The following MAN1A1 variants were observed in gnomAD, a reference collection of about 807,000 sequenced individuals.
MAN1A1 encodes the protein mannosidase alpha class 1A member 1, also known as mannosyl-oligosaccharide 1,2-alpha-mannosidase IA.
In MAN1A1, 29 loss-of-function variants were observed where a neutral mutation model predicts 70.8. The observed-to-expected ratio is 0.41, with a 90% CI of 0.31 to 0.56. The LOEUF (loss-of-function observed/expected upper bound fraction) is 0.56. MAN1A1 is among the 20% of genes least tolerant of loss of function. The probability of loss-of-function intolerance (pLI) is 0.29; values close to 1 mark genes in which losing one functional copy is unlikely to be tolerated. For synonymous variants in MAN1A1, 349 were observed against 330.1 expected (o/e 1.06, Z -0.62); for missense variants, 747 against 841.3 (o/e 0.89, Z 1.39).
At chr6:119,282,251 T>C (rs1459241527) in intron 5 of MAN1A1, among the ~76,000 whole-genome samples, 1 of 152,010 alleles carries the variant, frequency 6.6e-6, no homozygotes, top group Admixed American at 6.5e-5. Context: ...TGCTCATGAA[T>C]TGTGGAGATA....
chr6:119,247,505 T>C (rs965322741), intron 6 of MAN1A1, among the ~76,000 whole-genome samples: 1 of 152,148 alleles, frequency 6.6e-6, no homozygotes, highest in Non-Finnish European at 1.5e-5. Context: ...GTACAGGCAA[T>C]TAATAACTTA....
rs948809429 is a variant in MAN1A1 at position 119,349,154 on chromosome 6, T to C, written c.-89A>G. ...AGTCCGCGGCTGCGGGGCTGGGTCC[T>C]GCGTAGCCAGGCCGCCCGACCCCCT... On this transcript the variant is annotated 5_prime_UTR_variant, in exon 2 of 13. Coordinates refer to ENST00000368468, the MANE Select transcript of MAN1A1 (RefSeq NM_005907.4). 2.4e-6 allele frequency: 3 copies of C among 1,234,954 alleles called. No individual in the cohort carries two copies. The highest frequency in any genetic ancestry group is 8.6e-5 in the Admixed American group (2 of 23,198). 76.5% of individuals were successfully genotyped at this position (1,234,954 alleles called of 1,614,324 possible).
Position 119,290,759 on chromosome 6 carries a change from G to T in MAN1A1, c.821C>A (p.Ala274Asp), listed in dbSNP as rs1776515095. The change falls in exon 5 of 13, where the codon GCT becomes GAT. Residue 274 changes from alanine (A) to aspartate (D), a missense_variant. Coordinates refer to ENST00000368468, the MANE Select transcript of MAN1A1 (RefSeq NM_005907.4). ...VEENLDFNVN[A>D]EISVFEVNIR... ...ATTTACTTCAAAGACAGAAATTTCA[G>T]CATTCTATGGAAAAAAAAAATTCAA... is the stretch of plus-strand genomic sequence containing the variant. The T allele has an allele frequency of 6.2e-7, 1 of 1,604,780 alleles. No individual in the cohort carries two copies. Among genetic ancestry groups the T allele is most frequent in the Admixed American group, 1.7e-5 (1 of 59,504 alleles).
chr6:119,245,586 G>C (rs926190737), intron 6 of MAN1A1, among the ~76,000 whole-genome samples: 1 of 152,126 alleles, frequency 6.6e-6, no homozygotes, highest in South Asian at 2.1e-4. Context: ...CAAAGGAACA[G>C]GGGGAATTTT....
chr6:119,239,444 C>G (rs913634482), intron 6 of MAN1A1, among the ~76,000 whole-genome samples: 3 of 152,130 alleles, frequency 2.0e-5, no homozygotes, highest in Admixed American at 2.0e-4. Flanking sequence ...TATTACTGCA[C>G]AAGCAGGAAA....
intron 8 of MAN1A1, among the ~76,000 whole-genome samples, chr6:119,199,799 C>T (rs539845350): frequency 6.6e-6 from 1 of 151,858 alleles, no homozygotes; most frequent in Admixed American, 6.6e-5. Context: ...GTAGTCCCAG[C>T]TACTCGGGGC....
At chr6:119,206,624 G>C (rs1199316106) in intron 6 of MAN1A1, among the ~76,000 whole-genome samples, 1 of 152,134 alleles carries the variant, frequency 6.6e-6, no homozygotes, top group African/African-American at 2.4e-5. Flanking sequence ...ATGTGAGTCA[G>C]GTTTTATTTT....
chr6:119,223,581 C>A (rs1482785775), intron 6 of MAN1A1, among the ~76,000 whole-genome samples: 1 of 151,868 alleles, frequency 6.6e-6, no homozygotes, highest in East Asian at 1.9e-4. Context: ...AACTTATATT[C>A]CCAAGTAAAA....
chr6:119,348,744 C>T lies in MAN1A1; in HGVS notation c.322G>A (p.Gly108Arg), dbSNP rs766764522. ...AEGRARRREEGAPGDPEAALE... is the reference protein window; with the variant it reads ...AEGRARRREERAPGDPEAALE... ...GCGGCCTCCGGGTCCCCGGGTGCCC[C>T]CTCCTCGCGGCGCCGGGCTCGCCCC... The change falls in exon 2 of 13, where the codon GGG becomes AGG. Residue 108 changes from glycine to arginine, a missense_variant. This residue lies in a region of MAN1A1 where 328 missense variants were observed against 293.1 expected (regional missense o/e 1.12). Transcript: ENST00000368468. 6.4e-7 allele frequency: 1 copy of T among 1,565,468 alleles called. No homozygotes were observed. Among genetic ancestry groups the T allele is most frequent in the Admixed American group, 1.9e-5 (1 of 53,708 alleles).
In MAN1A1 at chr6:119,302,114, C is replaced by A; in HGVS notation, c.701-11G>T. On this transcript the variant is annotated splice_polypyrimidine_tract_variant and intron_variant, in intron 3 of 12. Coordinates refer to ENST00000368468, the MANE Select transcript of MAN1A1 (RefSeq NM_005907.4). The stretch of plus-strand genomic sequence containing the variant: ...CTCCTTTGATGTTACCTGAAAAGAT[C>A]AGAAAAATATTTGATAAAATACTTT... 2.3e-6 allele frequency: 3 copies of A among 1,304,444 alleles called. No homozygotes were observed. Among genetic ancestry groups the A allele is most frequent in the Non-Finnish European group, 2.2e-6 (2 of 911,234 alleles). 80.8% of individuals were successfully genotyped at this position (1,304,444 alleles called of 1,614,324 possible). A position where few individuals can be genotyped will look rare whatever the true frequency, so the allele number is the denominator to read the frequency against.
intron 6 of MAN1A1, among the ~76,000 whole-genome samples, chr6:119,223,065 A>G (rs2114261050): frequency 6.6e-6 from 1 of 152,318 alleles, no homozygotes; most frequent in African/African-American, 2.4e-5. Context: ...GGAAGGGAAG[A>G]AATAAGAAAC....
rs1439306083 is a variant in MAN1A1, at chr6:119,341,661, G to C, written c.603+6802C>G. ...TGCTAACTTTGACTACTAAGTGATG[G>C]ACTGAGCTCTGATTATAGAATTTAT... On this transcript the variant is annotated intron_variant, in intron 2 of 12. Transcript: ENST00000368468. 1.3e-5 allele frequency among the ~76,000 whole-genome samples: 2 copies of C among 152,144 alleles called. 1 individual carries two copies. Among genetic ancestry groups the C allele is most frequent in the Non-Finnish European group, 2.9e-5 (2 of 68,030 alleles).
chr6:119,234,027 T>C (rs1411931786), intron 6 of MAN1A1, among the ~76,000 whole-genome samples: 2 of 152,184 alleles, frequency 1.3e-5, no homozygotes, highest in African/African-American at 4.8e-5. Flanking sequence ...TTTCACAAAA[T>C]AGAAAGGTAT....
intron 6 of MAN1A1, among the ~76,000 whole-genome samples, chr6:119,216,587 AC>A (rs767546764): frequency 7.9e-5 from 12 of 152,268 alleles, no homozygotes; most frequent in Non-Finnish European, 1.5e-4. Flanking sequence ...AATAACTATC[AC>A]CCACAATTAC....
chr6:119,274,080 C>T (rs1446346504), intron 5 of MAN1A1, among the ~76,000 whole-genome samples: 2 of 152,178 alleles, frequency 1.3e-5, no homozygotes, highest in African/African-American at 4.8e-5. Context: ...CTATGAAAAA[C>T]TCCTGAGAGA....
intron 4 of MAN1A1, among the ~76,000 whole-genome samples, chr6:119,292,640 C>A (rs1772074228): frequency 6.6e-6 from 1 of 151,706 alleles, no homozygotes; most frequent in Non-Finnish European, 1.5e-5. Context: ...TAAAAAAATT[C>A]AAAAAAATTC....
chr6:119,288,658 G>A lies in MAN1A1; in HGVS notation c.897+2025C>T, dbSNP rs1241015032. 2.0e-5 allele frequency among the ~76,000 whole-genome samples: 3 copies of A among 151,692 alleles called. No homozygotes were observed. The East Asian group carries it at 5.8e-4, about 29-fold the overall frequency. On this transcript the variant is annotated intron_variant, in intron 5 of 12. Coordinates refer to ENST00000368468, the MANE Select transcript of MAN1A1 (RefSeq NM_005907.4). Reference sequence around the variant, plus strand: ...ATCCAGTATTAATCACTTCTCACTTGCCAACACCACTTCAGAGAATAAATA... The same window carrying A: ...ATCCAGTATTAATCACTTCTCACTTACCAACACCACTTCAGAGAATAAATA...
chr6:119,185,844 GTT>G lies in MAN1A1; in HGVS notation c.1719+2559_1719+2560del, dbSNP rs63362861. On this transcript the variant is annotated intron_variant, in intron 11 of 12. Transcript: ENST00000368468. ...ATGATCCACCCACTTTGGCCTCCCA[GTT>G]TTTTTTTTTTTTTTTTTTTAAATAT... Among the ~76,000 whole-genome samples the G allele has an allele frequency of 7.2e-3, 957 of 132,132 alleles. 13 individuals carry two copies. The highest frequency in any genetic ancestry group is 0.019 in the African/African-American group (665 of 35,392). The allele number at this position is 132,132 out of a possible 152,430, so 86.7% of individuals were successfully genotyped here. A position where few individuals can be genotyped will look rare whatever the true frequency, so the allele number is the denominator to read the frequency against.
At chr6:119,211,985 T>G (rs964798559) in intron 6 of MAN1A1, among the ~76,000 whole-genome samples, 1 of 151,548 alleles carries the variant, frequency 6.6e-6, no homozygotes, top group Non-Finnish European at 1.5e-5. Flanking sequence ...GGGATACAGG[T>G]GCCCACCACC....
Sources: gnomAD v4.1 joint callset for allele counts (sites outside exome capture counted in the v4.1 genomes callset) on GRCh38, gnomAD v4.1.1 for gene constraint, gnomAD v4.1.1 regional missense constraint, MANE v1.5 for transcripts, NCBI Gene and HGNC (gene_info 2026-07-23, HGNC 2026-07-21) for gene names.